SIAE: variants seen among roughly 807,000 people sequenced by gnomAD.
SIAE encodes sialate O-acetylesterase.
In SIAE, 39 loss-of-function variants were observed where a neutral mutation model predicts 52.6. That is an observed-to-expected ratio of 0.74 (90% CI 0.57 to 0.97). The LOEUF (loss-of-function observed/expected upper bound fraction) is 0.97. Among genes scored for constraint, SIAE ranks in the 50% least tolerant of loss-of-function variants. SIAE has a pLI of 0.00. For missense variants in SIAE, 592 were observed against 662.1 expected, an observed-to-expected ratio of 0.89 and a Z score of 1.16; for synonymous variants, 233 against 241.4, an observed-to-expected ratio of 0.97 and a Z score of 0.32.
At chr11:124,676,196 G>A (rs1943462028), upstream of SIAE, 2 of 152,272 alleles carry the variant, frequency 1.3e-5, no homozygotes, top group African/African-American at 4.8e-5. Context: ...TTTAGTACCA[G>A]CTACTCAGGG....
chr11:124,637,402 G>A (rs894135544), intron 9 of SIAE, among the ~76,000 whole-genome samples, 200 bp from the exon 10 acceptor site: 2 of 152,196 alleles, frequency 1.3e-5, no homozygotes, highest in Non-Finnish European at 2.9e-5. Context: ...ATGTTCATGT[G>A]ATCAAATAAA....
chr11:124,638,509 A>G (rs1464622345), intron 9 of SIAE, 33 bp downstream of exon 9: 1 of 1,610,006 alleles, frequency 6.2e-7, no homozygotes, highest in Non-Finnish European at 8.5e-7. Flanking sequence ...CCACCACAAA[A>G]TGAACCCCTG....
At chr11:124,674,314 C>G (rs1377692917), upstream of SIAE, 1 of 152,248 alleles carries the variant, frequency 6.6e-6, no homozygotes, top group East Asian at 1.9e-4. Flanking sequence ...GAGGCGGGAT[C>G]ATCGCTGGAG....
At chr11:124,669,326 G>A in intron 2 of SIAE, 34 bp downstream of exon 2, 1 of 1,613,464 alleles carries the variant, frequency 6.2e-7, no homozygotes, top group Non-Finnish European at 8.5e-7. Flanking sequence ...TGGCAGAAGA[G>A]GGCAATAGCT....
At chr11:124,657,871 A>G (rs893383271) in intron 3 of SIAE, among the ~76,000 whole-genome samples, 11 of 152,186 alleles carry the variant, frequency 7.2e-5, no homozygotes, top group African/African-American at 2.7e-4. Context: ...TTGCAGGAAG[A>G]TTTTCATTTA....
chr11:124,637,099 A>G lies in SIAE; in HGVS notation c.1424T>C (p.Val475Ala). The G allele has an allele frequency of 6.2e-7, 1 of 1,614,178 alleles. No homozygotes were observed. Among genetic ancestry groups the G allele is most frequent in the South Asian group, 1.1e-5 (1 of 91,084 alleles). ...GGTCCAAGCATAGCGGAGAGCAACC[A>G]CAGTGCCATGACAAGAATCGATCGC... ...TLAIDSCHGT[V>A]VALRYAWTTW... Residue 475 changes from valine to alanine, a missense_variant, in exon 10 of 10, where the codon GTG becomes GCG. By Grantham distance (64) the Val-to-Ala change is moderately conservative. Transcript: ENST00000263593.
rs1942717970 is a variant in SIAE, at chr11:124,635,759, G to A, written c.*1192C>T. On this transcript the variant is annotated 3_prime_UTR_variant, in exon 10 of 10. Transcript: ENST00000263593. Reference sequence around the variant, plus strand: ...TCTTACTCCTTTTCACATGCTTCAAGGACAGTTTGCAAGTGGATATAAATA... The same window carrying A: ...TCTTACTCCTTTTCACATGCTTCAAAGACAGTTTGCAAGTGGATATAAATA... 3 of 152,098 alleles carry A rather than the reference G, an allele frequency of 2.0e-5. No individual in the cohort carries two copies. The South Asian group carries it at 6.2e-4, about 32-fold the overall frequency. 9.4% of individuals were successfully genotyped at this position (152,098 alleles called of 1,614,324 possible). A position where few individuals can be genotyped will look rare whatever the true frequency, so the allele number is the denominator to read the frequency against.
At chr11:124,653,348 A>G (rs1806691273) in intron 4 of SIAE, among the ~76,000 whole-genome samples, 2 of 152,186 alleles carry the variant, frequency 1.3e-5, no homozygotes, top group Non-Finnish European at 2.9e-5. Flanking sequence ...GGAGCATCTG[A>G]GCACCAAGGA....
At position 124,634,389 on chromosome 11, in the gene SIAE, CT is replaced by C. The variant is rs1232437496; in HGVS notation, c.*2561del. The C allele has an allele frequency of 6.6e-6, 1 of 152,076 alleles. No individual in the cohort carries two copies. Among genetic ancestry groups the C allele is most frequent in the East Asian group, 1.9e-4 (1 of 5,186 alleles). The allele number at this position is 152,076 out of a possible 1,614,324, so 9.4% of individuals were successfully genotyped here. A position where few individuals can be genotyped will look rare whatever the true frequency, so the allele number is the denominator to read the frequency against. ...CACTGCCTTAGTATACTTAAACTAT[CT>C]TTTCATCTATCAGATTGTTAAGGAT... On this transcript the variant is annotated 3_prime_UTR_variant, in exon 10 of 10. Coordinates refer to ENST00000263593, the MANE Select transcript of SIAE (RefSeq NM_170601.5).
chr11:124,655,777 A>C, intron 3 of SIAE, among the ~76,000 whole-genome samples: 1 of 152,214 alleles, frequency 6.6e-6, no homozygotes, highest in East Asian at 1.9e-4. Context: ...ACAAAATGGC[A>C]TATTTGTTTA....
intron 2 of SIAE, 70 bp downstream of exon 2, chr11:124,669,290 C>T: frequency 1.3e-6 from 2 of 1,558,382 alleles, no homozygotes; most frequent in Non-Finnish European, 1.8e-6. Flanking sequence ...ACAGCATTAG[C>T]ATTCATTTTC....
At chr11:124,671,134 C>G (rs1471596072) in intron 1 of SIAE, among the ~76,000 whole-genome samples, 1 of 152,164 alleles carries the variant, frequency 6.6e-6, no homozygotes, top group Non-Finnish European at 1.5e-5. Context: ...TAGTGAACAT[C>G]TTTGTGGATG....
In SIAE at chr11:124,643,328, G is replaced by C. The variant is rs571226566; in HGVS notation, c.967-3461C>G. 5.2e-4 allele frequency among the ~76,000 whole-genome samples: 79 copies of C among 152,264 alleles called. No homozygotes were observed. In the South Asian group the frequency reaches 0.016, roughly 31 times the overall value. On this transcript the variant is annotated intron_variant, in intron 7 of 9. Coordinates refer to ENST00000263593, the MANE Select transcript of SIAE (RefSeq NM_170601.5). ...GTAATGTGGGCAGGGGGCACATCAT[G>C]TATGGCCTTGCTGACCTCAGCACAC...
intron 2 of SIAE, among the ~76,000 whole-genome samples, chr11:124,666,871 A>G (rs1943279446): frequency 6.6e-6 from 1 of 152,222 alleles, no homozygotes; most frequent in South Asian, 2.1e-4. Context: ...CAGCTTCACA[A>G]TCACTGTAAA....
At position 124,645,313 on chromosome 11, in the gene SIAE, A is replaced by AT. The variant is rs1942915631; in HGVS notation, c.966+2051dup. Among the ~76,000 whole-genome samples, 1 of 151,658 alleles carries AT rather than the reference A, an allele frequency of 6.6e-6. No homozygotes were observed. ...CAAGAATCAGGTCTTTCTGATTGCT[A>AT]TATTTCTTTTTTTTTTTTGAGACGG... On this transcript the variant is annotated intron_variant, in intron 7 of 9. Transcript: ENST00000263593. The surrounding 1 kb of genome is among the most constrained non-coding windows in gnomAD (Gnocchi z 4.7).
intron 7 of SIAE, among the ~76,000 whole-genome samples, chr11:124,644,065 G>A (rs1942890166): frequency 6.6e-6 from 1 of 152,110 alleles, no homozygotes; most frequent in Admixed American, 6.5e-5. Context: ...ACACGGAGAG[G>A]TTGCAATAAT....
chr11:124,650,695 C>T (rs1943004343), intron 4 of SIAE, among the ~76,000 whole-genome samples: 1 of 152,044 alleles, frequency 6.6e-6, no homozygotes, highest in Admixed American at 6.6e-5. Flanking sequence ...ATCGCTTGAA[C>T]CTGGGAGGCA....
At chr11:124,655,448 T>C (rs1473183265) in intron 3 of SIAE, among the ~76,000 whole-genome samples, 1 of 152,182 alleles carries the variant, frequency 6.6e-6, no homozygotes, top group Admixed American at 6.5e-5. Context: ...GTGCTGGGAT[T>C]ACAGGTGTGA....
At chr11:124,662,119 A>T (rs1943194319) in intron 2 of SIAE, among the ~76,000 whole-genome samples, 1 of 152,240 alleles carries the variant, frequency 6.6e-6, no homozygotes, top group Non-Finnish European at 1.5e-5. Flanking sequence ...TGCTACTCCC[A>T]TCCCTAAGAG....
Sources: allele counts gnomAD v4.1 joint callset (sites outside exome capture counted in the v4.1 genomes callset), GRCh38; gene constraint gnomAD v4.1.1; non-coding constraint Gnocchi (gnomAD v3.1); transcripts MANE v1.5; gene names NCBI Gene and HGNC (gene_info 2026-07-23, HGNC 2026-07-21).